Variants in TCF25 observed in about 807,000 individuals in gnomAD.
The protein encoded by TCF25 is ribosome quality control complex subunit TCF25.
Under a neutral mutation model 83.1 loss-of-function variants are expected in TCF25, and 41 were observed. That is an observed-to-expected ratio of 0.49 (90% confidence interval 0.38 to 0.64). TCF25 has a LOEUF of 0.64. Ranked by LOEUF, TCF25 falls within the 30% of genes least tolerant of loss-of-function variation. The pLI is 0.00. For missense variants in TCF25, 979 were observed against 914.5 expected (o/e 1.07, Z -0.91); for synonymous variants, 458 against 365.0 (o/e 1.25, Z -2.90).
intron 11 of TCF25, 72 bp downstream of exon 11, chr16:89,898,944 A>G: frequency 6.9e-7 from 1 of 1,444,990 alleles, no homozygotes; most frequent in Non-Finnish European, 9.6e-7. Context: ...TTGGTTCAGT[A>G]TCTGTGCGCT....
chr16:89,887,256 A>C (rs976436404), intron 4 of TCF25, among the ~76,000 whole-genome samples: 1 of 152,056 alleles, frequency 6.6e-6, no homozygotes, highest in Non-Finnish European at 1.5e-5. Context: ...TTGGTCTTAC[A>C]GATGCTTAAT....
intron 9 of TCF25, among the ~76,000 whole-genome samples, chr16:89,896,782 C>T (rs1330103476): frequency 2.6e-5 from 4 of 152,034 alleles, no homozygotes; most frequent in African/African-American, 9.7e-5. Flanking sequence ...TCTCCATCTC[C>T]TGACCTTGCG....
At chr16:89,884,298 G>A (rs1266747075) in intron 2 of TCF25, among the ~76,000 whole-genome samples, 1 of 152,206 alleles carries the variant, frequency 6.6e-6, no homozygotes, top group Admixed American at 6.5e-5. Context: ...GTGGCAGGGA[G>A]TGGCCGACAC....
rs1205178171 is a variant in TCF25, at chr16:89,878,359, G to A, written c.192+4500G>A. On this transcript the variant is annotated intron_variant, in intron 1 of 17. Transcript: ENST00000263346. ...CCAGCACTGTGGGAGGCCAAGGCGG[G>A]TGGACCACCTGAGGTCAGGAGTTCG... 4 of 1,104,520 alleles carry A rather than the reference G, an allele frequency of 3.6e-6. No homozygotes were observed. In the East Asian group the frequency reaches 2.7e-4, roughly 75 times the overall value. The allele number at this position is 1,104,520 out of a possible 1,614,324, so 68.4% of individuals were successfully genotyped here.
chr16:89,910,329 C>G (rs2045452169), intron 16 of TCF25: 2 of 546,274 alleles, frequency 3.7e-6, no homozygotes, highest in South Asian at 4.5e-5. Context: ...GGGAGCCTCG[C>G]TCCGGACGCC....
intron 6 of TCF25, among the ~76,000 whole-genome samples, chr16:89,893,227 C>T (rs571682127): frequency 6.6e-6 from 1 of 152,330 alleles, no homozygotes; most frequent in East Asian, 1.9e-4. Context: ...GTCCCATACA[C>T]CCAGTCAGAC....
chr16:89,898,480 G>A, intron 9 of TCF25, 77 bp from the exon 10 acceptor site: 1 of 1,457,620 alleles, frequency 6.9e-7, no homozygotes, highest in South Asian at 1.1e-5. Context: ...GGGTGGAGTG[G>A]GTGCTGGCCG....
intron 13 of TCF25, 144 bp from the exon 14 acceptor site, chr16:89,904,794 G>T (rs2044638337): frequency 2.0e-6 from 2 of 1,013,322 alleles, no homozygotes; most frequent in Admixed American, 4.0e-5. Flanking sequence ...ACGCCCTCAG[G>T]CCAGCAGCCC....
chr16:89,891,312 C>T (rs942799632), intron 5 of TCF25, among the ~76,000 whole-genome samples: 8 of 152,312 alleles, frequency 5.3e-5, no homozygotes, highest in Admixed American at 1.3e-4. Context: ...TAGGCCTGGG[C>T]GTGTGCTACA....
rs2044241278 is a variant in TCF25, at chr16:89,900,589, T to C, written c.1222-46T>C. 3.3e-6 allele frequency: 5 copies of C among 1,525,458 alleles called. No individual in the cohort carries two copies. The Admixed American group carries it at 9.1e-5, about 28-fold the overall frequency. The allele number at this position is 1,525,458 out of a possible 1,614,324, so 94.5% of individuals were successfully genotyped here. On this transcript the variant is annotated intron_variant, in intron 11 of 17. Transcript: ENST00000263346. ...AGCGTCTGCAAACTCACATATTTTG[T>C]CTTTATGACTTAAGGCTCCACGCTC...
In TCF25 at chr16:89,905,007, C is replaced by T. The variant is rs766775343; in HGVS notation, c.1539C>T (p.Pro513=). The change falls in exon 14 of 18, where the codon CCC becomes CCT. Residue 513 remains proline (P), a synonymous_variant. Coordinates refer to ENST00000263346, the MANE Select transcript of TCF25 (RefSeq NM_014972.3). ...GGTCACACTTTCTCTGGAAAGAGCCCGCCACCATGAGCTGGCTGGAGGAGA... is the reference window on the plus strand; with the variant it reads ...GGTCACACTTTCTCTGGAAAGAGCCTGCCACCATGAGCTGGCTGGAGGAGA... ...LGRSHFLWKE[P]ATMSWLEENV... is the part of the protein sequence containing the mutation. The T allele has an allele frequency of 8.7e-6, 14 of 1,605,398 alleles. No individual in the cohort carries two copies. Among genetic ancestry groups the T allele is most frequent in the Admixed American group, 3.4e-5 (2 of 58,948 alleles).
At position 89,906,683 on chromosome 16, in the gene TCF25, G is replaced by A. The variant is rs145583057; in HGVS notation, c.1719+399G>A. ...AGTTTGTACTGTTGTTAAGGGATAA[G>A]ATAGAACGAGTGAGAAAACCAGCAA... On this transcript the variant is annotated intron_variant, in intron 15 of 17. Coordinates refer to ENST00000263346, the MANE Select transcript of TCF25 (RefSeq NM_014972.3). Among the ~76,000 whole-genome samples, 500 of 152,272 alleles carry A rather than the reference G, an allele frequency of 3.3e-3. 3 individuals are homozygous for A. The highest frequency in any genetic ancestry group is 0.012 in the African/African-American group (478 of 41,552).
Position 89,895,034 on chromosome 16 carries a change from G to C in TCF25, c.829-4G>C. On this transcript the variant is annotated splice_polypyrimidine_tract_variant and splice_region_variant and intron_variant, in intron 7 of 17. Coordinates refer to ENST00000263346, the MANE Select transcript of TCF25 (RefSeq NM_014972.3). ...TCCTCCAGGGCTGTCCTCCCTTCTG[G>C]TAGGTTCTGCTCCAGACGAGCCCTT... 2 of 1,612,514 alleles carry C rather than the reference G, an allele frequency of 1.2e-6. No homozygotes were observed. Among genetic ancestry groups the C allele is most frequent in the South Asian group, 1.1e-5 (1 of 91,014 alleles).
chr16:89,884,527 C>G, intron 2 of TCF25, 55 bp from the exon 3 acceptor site: 1 of 1,584,922 alleles, frequency 6.3e-7, no homozygotes, highest in Non-Finnish European at 8.6e-7. Flanking sequence ...CTTTAATTCT[C>G]ACTTCTTAAG....
chr16:89,901,662 A>C (rs1180391396), intron 12 of TCF25, among the ~76,000 whole-genome samples: 3 of 69,392 alleles, frequency 4.3e-5, no homozygotes, highest in Non-Finnish European at 5.9e-5. Context: ...GGAGAATGGC[A>C]TGAACCCAGG....
intron 12 of TCF25, among the ~76,000 whole-genome samples, chr16:89,903,687 A>T (rs2044535512): frequency 6.6e-6 from 1 of 152,060 alleles, no homozygotes; most frequent in Non-Finnish European, 1.5e-5. Flanking sequence ...TGCGCCTGTG[A>T]TCCCAGCTAC....
At chr16:89,876,855 G>T (rs1213859326) in intron 1 of TCF25, among the ~76,000 whole-genome samples, 6 of 151,372 alleles carry the variant, frequency 4.0e-5, no homozygotes, top group Admixed American at 4.0e-4. Context: ...CGTGAACCCA[G>T]GAGGCGGAGC....
intron 9 of TCF25, among the ~76,000 whole-genome samples, chr16:89,896,921 G>A (rs1002225272): frequency 1.3e-5 from 2 of 152,102 alleles, no homozygotes; most frequent in African/African-American, 4.8e-5. Flanking sequence ...TACTTGGGAG[G>A]TTGAGGCGAG....
chr16:89,905,215 T>C (rs2044678091), intron 14 of TCF25, 119 bp downstream of exon 14: 1 of 1,342,352 alleles, frequency 7.4e-7, no homozygotes, highest in Non-Finnish European at 9.9e-7. Flanking sequence ...CCTCCCTTGC[T>C]GTGGGGCCTG....
Sources: gnomAD v4.1 joint callset for allele counts (sites outside exome capture counted in the v4.1 genomes callset) on GRCh38, gnomAD v4.1.1 for gene constraint, MANE v1.5 for transcripts, NCBI Gene and HGNC (gene_info 2026-07-23, HGNC 2026-07-21) for gene names.